The following GNAS variants were observed in gnomAD, a reference collection of about 807,000 sequenced individuals.
GNAS encodes the protein protein ALEX.
A neutral mutation model predicts 54.5 loss-of-function variants in GNAS; 8 were observed. That is an observed-to-expected ratio of 0.15 (90% confidence interval 0.09 to 0.26). GNAS has a LOEUF of 0.26. GNAS is among the 10% of genes least tolerant of loss of function. The pLI is 1.00. For missense variants in GNAS, 170 were observed against 529.8 expected (o/e 0.32, Z 6.67); for synonymous variants, 204 against 191.4 (o/e 1.07, Z -0.54).
At chr20:58,876,879 GA>G in intron 1 of GNAS, 1 of 152,718 alleles carries the variant, frequency 6.5e-6, no homozygotes, top group Non-Finnish European at 1.5e-5. Flanking sequence ...TCCTCCTGAT[GA>G]AAATGGCCTC....
chr20:58,910,108 C>CT lies in GNAS; in HGVS notation c.970+28dup, dbSNP rs1441054490. 1 of 1,611,332 alleles carries CT rather than the reference C, an allele frequency of 6.2e-7. No individual in the cohort carries two copies. The highest frequency in any genetic ancestry group is 1.7e-5 in the Admixed American group (1 of 60,018). ...TGTGTATGGCTTCCACTCTTGCTGG[C>CT]TGTTCATTGCGGTGGTTCTTTTTCA... On this transcript the variant is annotated intron_variant, in intron 11 of 12. Transcript: ENST00000371085. The surrounding 1 kb of genome is among the most constrained non-coding windows in gnomAD (Gnocchi z 5.8).
intron 5 of GNAS, among the ~76,000 whole-genome samples, chr20:58,904,294 A>G: frequency 6.6e-6 from 1 of 151,838 alleles, no homozygotes; most frequent in South Asian, 2.1e-4. Flanking sequence ...CATTTTAAAC[A>G]GGTGACCTTT....
At chr20:58,870,144 C>A (rs998361211) in intron 1 of GNAS, among the ~76,000 whole-genome samples, 1 of 152,196 alleles carries the variant, frequency 6.6e-6, no homozygotes, top group Non-Finnish European at 1.5e-5. Context: ...CATTCTTTCT[C>A]CCCTCTCTCT....
intron 1 of GNAS, chr20:58,892,145 C>G (rs1306412280): frequency 4.2e-6 from 4 of 960,880 alleles, no homozygotes; most frequent in Admixed American, 6.2e-5. Flanking sequence ...CTCTCGCTCT[C>G]GCTCTCCCCC....
At chr20:58,889,714 AGCCCGAAGCCCGGGCAGCCGCGCTCC>A (rs2088941403), upstream of GNAS, among the ~76,000 whole-genome samples, 1 of 151,102 alleles carries the variant, frequency 6.6e-6, no homozygotes. Context: ...CCAGCCCAGC[AGCCCGAAGCCCGGGCAGCCGCGCTCC>A]GCGGCCCCGG....
intron 1 of GNAS, chr20:58,842,534 T>C: frequency 2.5e-6 from 1 of 398,628 alleles, no homozygotes; most frequent in East Asian, 3.6e-5. Context: ...TTGGATGCTT[T>C]TGTGGTCTTC....
rs1225542550 is a variant in GNAS at position 58,840,978 on chromosome 20, C to G, written c.43+92C>G. 9.5e-6 allele frequency: 13 copies of G among 1,365,102 alleles called. No homozygotes were observed. In the East Asian group the frequency reaches 3.0e-4, roughly 31 times the overall value. The allele number at this position is 1,365,102 out of a possible 1,614,324, so 84.6% of individuals were successfully genotyped here. ...GTGAGAAGGAAAGGCAGGTCAGGGGCGAGTGGGAAGAGAGGAGGCTCAGCT... is the reference window on the plus strand; with the variant it reads ...GTGAGAAGGAAAGGCAGGTCAGGGGGGAGTGGGAAGAGAGGAGGCTCAGCT... On this transcript the variant is annotated intron_variant, in intron 1 of 12. Transcript: ENST00000306090. The surrounding 1 kb of genome is among the most constrained non-coding windows in gnomAD (Gnocchi z 6.0).
chr20:58,874,000 C>G lies in GNAS; in HGVS notation c.44-21612C>G, dbSNP rs1400228136. Among the ~76,000 whole-genome samples, 1 of 152,154 alleles carries G rather than the reference C, an allele frequency of 6.6e-6. No individual in the cohort carries two copies. Among genetic ancestry groups the G allele is most frequent in the Admixed American group, 6.5e-5 (1 of 15,278 alleles). ...TGCTGATAATTAAACTGCAGAAAACCTAGAAGGATCTGCTGGGGTCAAAAC... is the reference window on the plus strand; with the variant it reads ...TGCTGATAATTAAACTGCAGAAAACGTAGAAGGATCTGCTGGGGTCAAAAC... On this transcript the variant is annotated intron_variant, in intron 1 of 12. Transcript: ENST00000306090. The surrounding 1 kb of genome is among the most constrained non-coding windows in gnomAD (Gnocchi z 4.3).
At chr20:58,868,246 C>T (rs1027156033) in intron 1 of GNAS, among the ~76,000 whole-genome samples, 10 of 151,942 alleles carry the variant, frequency 6.6e-5, no homozygotes, top group African/African-American at 2.4e-4. Flanking sequence ...CTCAAACTCC[C>T]GATCTCAGGT....
In GNAS at chr20:58,910,213, T is replaced by A; in HGVS notation, c.971-121T>A. On this transcript the variant is annotated intron_variant, in intron 11 of 12. Transcript: ENST00000371085. This position sits in a 1 kb window ranked among gnomAD's most constrained non-coding sequence, Gnocchi z 5.8. ...TATAAGAGAAGCAAGAAAAACGCAC[T>A]CCCACTAATTCTCATATGGAAAAAT... is the stretch of plus-strand genomic sequence containing the variant. The A allele has an allele frequency of 1.6e-6, 2 of 1,253,234 alleles. No homozygotes were observed. The highest frequency in any genetic ancestry group is 2.4e-5 in the South Asian group (2 of 83,558). 77.6% of individuals were successfully genotyped at this position (1,253,234 alleles called of 1,614,324 possible).
At chr20:58,897,511 A>G (rs2090175487) in intron 2 of GNAS, 1 of 152,256 alleles carries the variant, frequency 6.6e-6, no homozygotes, top group Non-Finnish European at 1.5e-5. Flanking sequence ...CTTGAGTCGG[A>G]TGGAAGCTAA....
At chr20:58,847,379 G>T (rs2085977474) in intron 1 of GNAS, among the ~76,000 whole-genome samples, 1 of 152,234 alleles carries the variant, frequency 6.6e-6, no homozygotes, top group South Asian at 2.1e-4. Flanking sequence ...GTATGCTGCT[G>T]CCTCCACCGG....
At chr20:58,899,070 G>A in intron 3 of GNAS, 85 bp downstream of exon 3, 1 of 1,040,826 alleles carries the variant, frequency 9.6e-7, no homozygotes, top group Admixed American at 1.7e-5. Context: ...CAGAGACCCG[G>A]GAAGAAAATA....
At chr20:58,878,912 T>TGGGGGGGGGGG (rs11086659) in intron 1 of GNAS, among the ~76,000 whole-genome samples, 46 of 95,298 alleles carry the variant, frequency 4.8e-4, no homozygotes, top group Admixed American at 7.8e-4. Context: ...GGGGTGCGGG[T>TGGGGGGGGGGG]GGGGGGGGGA....
At chr20:58,880,909 T>G (rs1267672193) in intron 1 of GNAS, among the ~76,000 whole-genome samples, 1 of 152,226 alleles carries the variant, frequency 6.6e-6, no homozygotes, top group Non-Finnish European at 1.5e-5. Flanking sequence ...CCCAATAAAC[T>G]GAGTGGATGT....
intron 1 of GNAS, among the ~76,000 whole-genome samples, chr20:58,862,616 T>TA (rs1301214567): frequency 6.6e-6 from 1 of 151,828 alleles, no homozygotes; most frequent in Admixed American, 6.6e-5. Flanking sequence ...ATTAGACTAT[T>TA]AACATGTAAG....
At chr20:58,890,376 T>C (rs2089067337), upstream of GNAS, among the ~76,000 whole-genome samples, 1 of 150,534 alleles carries the variant, frequency 6.6e-6, no homozygotes, top group Non-Finnish European at 1.5e-5. Context: ...GGACACGGAC[T>C]CGAGCGACGA....
chr20:58,860,288 A>G (rs1447652418), intron 1 of GNAS, among the ~76,000 whole-genome samples: 1 of 145,350 alleles, frequency 6.9e-6, no homozygotes, highest in Non-Finnish European at 1.5e-5. Flanking sequence ...TTGTTGGGCT[A>G]CTGTTTTCCT....
In GNAS at chr20:58,854,326, T is replaced by C. The variant is rs774314171; in HGVS notation, c.43+13440T>C. ...AGAGAGCGAGCAGAGAGACCCCCAG[T>C]TGAGGAGGAAGCAGCAGAGATGGAA... On this transcript the variant is annotated intron_variant, in intron 1 of 12. Coordinates refer to the GNAS transcript ENST00000306090. 20 of 1,595,392 alleles carry C rather than the reference T, an allele frequency of 1.3e-5. No homozygotes were observed. In the East Asian group the frequency reaches 1.4e-4, roughly 11 times the overall value.
Sources: gnomAD v4.1 joint callset for allele counts (sites outside exome capture counted in the v4.1 genomes callset) on GRCh38, gnomAD v4.1.1 for gene constraint, Gnocchi (gnomAD v3.1) non-coding constraint, MANE v1.5 for transcripts, NCBI Gene and HGNC (gene_info 2026-07-23, HGNC 2026-07-21) for gene names.